Variants in PCSK6 observed in about 807,000 individuals in gnomAD.
PCSK6 encodes the protein proprotein convertase subtilisin/kexin type 6.
PCSK6 carries 85 observed loss-of-function variants against 123.3 expected under a neutral mutation model. The ratio of observed to expected loss-of-function variants is 0.69; its 90% CI spans 0.58 to 0.83. The LOEUF is 0.83. Among genes scored for constraint, PCSK6 ranks in the 40% least tolerant of loss-of-function variants. The probability of loss-of-function intolerance (pLI) is 0.00; values close to 1 mark genes in which losing one functional copy is unlikely to be tolerated. For missense variants in PCSK6, 1,191 were observed against 1,282.3 expected (o/e 0.93, Z 1.09); for synonymous variants, 508 against 516.0 (o/e 0.98, Z 0.21).
intron 9 of PCSK6, among the ~76,000 whole-genome samples, chr15:101,388,434 A>C (rs2042132703): frequency 6.6e-6 from 1 of 152,234 alleles, no homozygotes; most frequent in Non-Finnish European, 1.5e-5. Flanking sequence ...TTGGTGACTA[A>C]AGTACAATTT....
intron 1 of PCSK6, among the ~76,000 whole-genome samples, chr15:101,482,644 G>C (rs181114097): frequency 6.6e-6 from 1 of 152,282 alleles, no homozygotes; most frequent in East Asian, 1.9e-4. Flanking sequence ...GCTCAAAGCC[G>C]GCAGGAGTAT....
intron 18 of PCSK6, among the ~76,000 whole-genome samples, chr15:101,319,140 T>C (rs1488471508): frequency 6.6e-6 from 1 of 152,244 alleles, no homozygotes; most frequent in African/African-American, 2.4e-5. Flanking sequence ...TTCCTGTTAA[T>C]TGGTTTCTAC....
chr15:101,397,845 C>T (rs944106685), intron 7 of PCSK6, among the ~76,000 whole-genome samples: 11 of 152,252 alleles, frequency 7.2e-5, no homozygotes, highest in African/African-American at 1.7e-4. Context: ...CTTGGCCCAT[C>T]GGCAGAGAAG....
At chr15:101,449,811 C>A (rs1596345283) in intron 1 of PCSK6, among the ~76,000 whole-genome samples, 1 of 152,282 alleles carries the variant, frequency 6.6e-6, no homozygotes, top group East Asian at 1.9e-4. Context: ...TCTTCATTTC[C>A]TGCCAACCAA....
intron 6 of PCSK6, among the ~76,000 whole-genome samples, chr15:101,403,549 G>A (rs1302880672): frequency 6.6e-6 from 1 of 151,922 alleles, no homozygotes; most frequent in Non-Finnish European, 1.5e-5. Context: ...ATACACGTTA[G>A]TTATAAAGCC....
chr15:101,372,801 C>A (rs536148181), intron 11 of PCSK6, among the ~76,000 whole-genome samples: 1 of 152,226 alleles, frequency 6.6e-6, no homozygotes, highest in Non-Finnish European at 1.5e-5. Context: ...CACTTCAACA[C>A]CTTTCCAGTG....
chr15:101,361,766 G>A (rs1167636297), intron 13 of PCSK6, among the ~76,000 whole-genome samples: 1 of 152,150 alleles, frequency 6.6e-6, no homozygotes, highest in African/African-American at 2.4e-5. Context: ...GATGCTGGGT[G>A]GAGAGTGGCT....
At chr15:101,360,718 CG>C (rs1268272945) in intron 13 of PCSK6, among the ~76,000 whole-genome samples, 2 of 151,236 alleles carry the variant, frequency 1.3e-5, no homozygotes, top group Admixed American at 6.6e-5. Context: ...CACTCCTGCC[CG>C]GGGGCCTCAG....
chr15:101,429,533 C>T (rs112587642), intron 5 of PCSK6, among the ~76,000 whole-genome samples: 4 of 152,228 alleles, frequency 2.6e-5, no homozygotes, highest in African/African-American at 7.2e-5. Context: ...GGGAGAGCTG[C>T]GATCTGAACC....
At chr15:101,383,551 C>G (rs1309440390) in intron 10 of PCSK6, among the ~76,000 whole-genome samples, 1 of 152,094 alleles carries the variant, frequency 6.6e-6, no homozygotes, top group East Asian at 1.9e-4. Context: ...AGGTCTGTAC[C>G]AGGCTGGGCT....
At chr15:101,348,131 A>G (rs1053872703) in intron 13 of PCSK6, among the ~76,000 whole-genome samples, 1 of 152,076 alleles carries the variant, frequency 6.6e-6, no homozygotes, top group Admixed American at 6.6e-5. Flanking sequence ...GTGGAGGGAA[A>G]AGCCACAACC....
At chr15:101,346,745 T>C in intron 13 of PCSK6, 1 of 1,227,078 alleles carries the variant, frequency 8.1e-7, no homozygotes. Flanking sequence ...TTTTCATCAA[T>C]GTTTAGTATT....
intron 1 of PCSK6, among the ~76,000 whole-genome samples, chr15:101,483,788 C>T (rs4965880): frequency 0.41 from 61,618 of 152,080 alleles, 13,498 homozygotes; most frequent in East Asian, 0.75. Context: ...TGTCCAAACG[C>T]CCATGCGACC....
intron 13 of PCSK6, among the ~76,000 whole-genome samples, chr15:101,361,184 A>G (rs2041211660): frequency 7.9e-6 from 1 of 126,394 alleles, no homozygotes; most frequent in Admixed American, 8.5e-5. Context: ...TTTTTTTGGC[A>G]TATTGATCAA....
At chr15:101,356,966 T>C (rs1442331826) in intron 13 of PCSK6, among the ~76,000 whole-genome samples, 5 of 152,220 alleles carry the variant, frequency 3.3e-5, no homozygotes, top group Admixed American at 2.0e-4. Context: ...GGAGGTATTA[T>C]TGGAGCTAGC....
intron 7 of PCSK6, among the ~76,000 whole-genome samples, chr15:101,397,488 A>G (rs1019278489): frequency 2.0e-5 from 3 of 151,992 alleles, no homozygotes; most frequent in African/African-American, 7.3e-5. Context: ...GACTCCTGCC[A>G]CCCCCTCCCA....
intron 13 of PCSK6, among the ~76,000 whole-genome samples, chr15:101,341,516 C>T (rs929095922): frequency 1.7e-4 from 26 of 152,124 alleles, no homozygotes; most frequent in African/African-American, 6.3e-4. Flanking sequence ...GCCACCTTGG[C>T]CTCCCAAAGT....
intron 6 of PCSK6, among the ~76,000 whole-genome samples, chr15:101,424,299 A>T (rs1464464099): frequency 2.0e-5 from 3 of 152,028 alleles, no homozygotes; most frequent in Non-Finnish European, 4.4e-5. Flanking sequence ...AACAATAAGG[A>T]TGGCAATTAA....
In PCSK6 at chr15:101,429,235, A is replaced by G. The variant is rs184442421; in HGVS notation, c.734+752T>C. Among the ~76,000 whole-genome samples, 455 of 130,636 alleles carry G rather than the reference A, an allele frequency of 3.5e-3. 3 individuals are homozygous for G. Among genetic ancestry groups the G allele is most frequent in the Admixed American group, 4.2e-3 (53 of 12,572 alleles). The allele number at this position is 130,636 out of a possible 152,430, so 85.7% of individuals were successfully genotyped here. ...CAGGGTATGGGGCATGCTGATGGAG[A>G]AGGAAAGAGACAGCAAATGAATTCC... On this transcript the variant is annotated intron_variant, in intron 5 of 21. Transcript: ENST00000611716.
Sources: allele counts gnomAD v4.1 joint callset (sites outside exome capture counted in the v4.1 genomes callset), GRCh38; gene constraint gnomAD v4.1.1; transcripts MANE v1.5; gene names NCBI Gene and HGNC (gene_info 2026-07-23, HGNC 2026-07-21).